The following CNTNAP2 variants were observed in gnomAD, a reference collection of about 807,000 sequenced individuals.
CNTNAP2 encodes contactin associated protein 2.
In CNTNAP2, 98 loss-of-function variants were observed where a neutral mutation model predicts 155.2. The ratio of observed to expected loss-of-function variants is 0.63; its 90% CI spans 0.54 to 0.75. CNTNAP2 has a LOEUF of 0.75. CNTNAP2 is among the 30% of genes least tolerant of loss of function. The pLI, the probability that CNTNAP2 is intolerant of heterozygous loss-of-function variation, is 0.00. For synonymous variants in CNTNAP2, 651 were observed against 631.2 expected (o/e 1.03, Z -0.47); for missense variants, 1,727 against 1,688.1 (o/e 1.02, Z -0.40).
intron 1 of CNTNAP2, among the ~76,000 whole-genome samples, chr7:146,520,572 C>T (rs1032710742): frequency 2.0e-5 from 3 of 151,596 alleles, no homozygotes; most frequent in Non-Finnish European, 4.4e-5. Flanking sequence ...TTCTATAATG[C>T]AACTGCTTCT....
At chr7:147,099,275 TG>T (rs1800608621) in intron 4 of CNTNAP2, among the ~76,000 whole-genome samples, 1 of 152,100 alleles carries the variant, frequency 6.6e-6, no homozygotes, top group Admixed American at 6.5e-5. Context: ...GACTCTGGAT[TG>T]ATTGCTTTAT....
intron 18 of CNTNAP2, among the ~76,000 whole-genome samples, chr7:148,202,445 C>T (rs965308997): frequency 2.0e-5 from 3 of 152,194 alleles, no homozygotes; most frequent in African/African-American, 2.4e-5. Context: ...TTTATGTGTA[C>T]GGAGACAGAG....
chr7:146,172,064 A>G (rs917662176), intron 1 of CNTNAP2, among the ~76,000 whole-genome samples: 3 of 59,102 alleles, frequency 5.1e-5, no homozygotes, highest in Non-Finnish European at 7.6e-5. Context: ...TTTGCTTATG[A>G]TTTAAAATAT....
chr7:146,800,313 AC>A (rs1802851671), intron 2 of CNTNAP2, among the ~76,000 whole-genome samples: 1 of 152,056 alleles, frequency 6.6e-6, no homozygotes, highest in South Asian at 2.1e-4. Flanking sequence ...GCACTGCTAT[AC>A]CCACTGCTGT....
At chr7:147,054,562 A>G (rs1212552012) in intron 4 of CNTNAP2, among the ~76,000 whole-genome samples, 1 of 152,194 alleles carries the variant, frequency 6.6e-6, no homozygotes, top group Non-Finnish European at 1.5e-5. Context: ...AAGGAAAGCA[A>G]TAAAATTTAA....
chr7:146,958,885 A>T (rs1373223131), intron 3 of CNTNAP2, among the ~76,000 whole-genome samples: 1 of 152,084 alleles, frequency 6.6e-6, no homozygotes, highest in Non-Finnish European at 1.5e-5. Flanking sequence ...TAAATTTAGA[A>T]ATCCTCTTCT....
chr7:146,334,175 T>C (rs1273524552), intron 1 of CNTNAP2, among the ~76,000 whole-genome samples: 2 of 152,148 alleles, frequency 1.3e-5, no homozygotes, highest in East Asian at 1.9e-4. Context: ...CTCACGCCTG[T>C]AATCCCAGCA....
intron 11 of CNTNAP2, among the ~76,000 whole-genome samples, chr7:147,540,668 TA>T (rs1273051045): frequency 6.6e-6 from 1 of 152,058 alleles, no homozygotes; most frequent in East Asian, 1.9e-4. Flanking sequence ...CCATCTCTAC[TA>T]AAAATGTAAA....
intron 8 of CNTNAP2, among the ~76,000 whole-genome samples, chr7:147,163,672 A>G (rs896939715): frequency 1.3e-5 from 2 of 152,144 alleles, no homozygotes; most frequent in African/African-American, 4.8e-5. Flanking sequence ...GACATCCTCT[A>G]TGGTATCTAG....
At chr7:146,583,189 T>C (rs890877921) in intron 1 of CNTNAP2, among the ~76,000 whole-genome samples, 1 of 151,956 alleles carries the variant, frequency 6.6e-6, no homozygotes, top group Non-Finnish European at 1.5e-5. Context: ...GGATCTTGTA[T>C]TGAAGGATGG....
At chr7:147,649,420 G>A in intron 13 of CNTNAP2, among the ~76,000 whole-genome samples, 1 of 151,932 alleles carries the variant, frequency 6.6e-6, no homozygotes, top group Non-Finnish European at 1.5e-5. Flanking sequence ...GAGAATTATG[G>A]GTTTCATGTT....
intron 9 of CNTNAP2, among the ~76,000 whole-genome samples, chr7:147,357,099 T>C (rs1387596256): frequency 6.6e-6 from 1 of 152,146 alleles, no homozygotes; most frequent in African/African-American, 2.4e-5. Flanking sequence ...TTTATGTGGA[T>C]GACCTCAGCG....
intron 1 of CNTNAP2, among the ~76,000 whole-genome samples, chr7:146,508,947 T>A (rs1797426317): frequency 6.6e-6 from 1 of 152,112 alleles, no homozygotes; most frequent in South Asian, 2.1e-4. Context: ...CTTCCCCCTT[T>A]TTATGGCATA....
intron 1 of CNTNAP2, among the ~76,000 whole-genome samples, chr7:146,370,397 C>T (rs892814518): frequency 5.3e-5 from 8 of 151,426 alleles, no homozygotes; most frequent in South Asian, 4.2e-4. Context: ...GAAATTATGC[C>T]GCTGCACTCC....
intron 18 of CNTNAP2, among the ~76,000 whole-genome samples, chr7:148,198,830 A>G (rs1420779697): frequency 1.3e-5 from 2 of 152,262 alleles, no homozygotes; most frequent in African/African-American, 2.4e-5. Flanking sequence ...GCATTGCCGT[A>G]GAAAACTCCT....
At position 146,710,131 on chromosome 7, in the gene CNTNAP2, G is replaced by A. The variant is rs186863627; in HGVS notation, c.98-64140G>A. ...AGGAAGTGTGGCTCACAATTGGAAA[G>A]CAGTGTCAGAGGAGTAAGAGATGAA... On this transcript the variant is annotated intron_variant, in intron 1 of 23. Coordinates refer to ENST00000361727, the MANE Select transcript of CNTNAP2 (RefSeq NM_014141.6). Among the ~76,000 whole-genome samples, 516 of 152,314 alleles carry A rather than the reference G, an allele frequency of 3.4e-3. 2 individuals carry two copies. The highest frequency in any genetic ancestry group is 0.029 in the South Asian group (139 of 4,824).
chr7:147,544,747 A>G (rs1799701164), intron 11 of CNTNAP2, among the ~76,000 whole-genome samples: 1 of 152,098 alleles, frequency 6.6e-6, no homozygotes, highest in Non-Finnish European at 1.5e-5. Context: ...CAATTGAATC[A>G]TGGGGGCAGT....
At chr7:146,394,378 G>A (rs1247400556) in intron 1 of CNTNAP2, among the ~76,000 whole-genome samples, 2 of 152,104 alleles carry the variant, frequency 1.3e-5, no homozygotes, top group East Asian at 3.9e-4. Flanking sequence ...CTAGCAGCTG[G>A]ATCAGATTGC....
At chr7:146,448,528 C>A (rs1043634030) in intron 1 of CNTNAP2, among the ~76,000 whole-genome samples, 1 of 150,434 alleles carries the variant, frequency 6.6e-6, no homozygotes, top group Non-Finnish European at 1.5e-5. Context: ...TTTTATTATA[C>A]TTTAAGTTTT....
Sources: allele counts gnomAD v4.1 joint callset (sites outside exome capture counted in the v4.1 genomes callset), GRCh38; gene constraint gnomAD v4.1.1; transcripts MANE v1.5; gene names NCBI Gene and HGNC (gene_info 2026-07-23, HGNC 2026-07-21).